Variants in LRP1B observed in about 807,000 individuals in gnomAD.
The protein encoded by LRP1B is LDL receptor related protein 1B.
LRP1B carries 217 observed loss-of-function variants against 556.6 expected under a neutral mutation model. That is an observed-to-expected ratio of 0.39 (90% CI 0.35 to 0.44). The LOEUF (loss-of-function observed/expected upper bound fraction) is 0.44. LRP1B is among the 20% of genes least tolerant of loss of function. LRP1B has a pLI of 1.00. For missense variants in LRP1B, 5,053 were observed against 5,620.8 expected (o/e 0.90, Z 3.23); for synonymous variants, 2,047 against 1,865.8 (o/e 1.10, Z -2.50).
intron 15 of LRP1B, among the ~76,000 whole-genome samples, chr2:140,999,851 A>G (rs1697362087): frequency 6.6e-6 from 1 of 152,084 alleles, no homozygotes; most frequent in African/African-American, 2.4e-5. Flanking sequence ...GTCACTGCTG[A>G]GGAAAACCAA....
Position 140,612,022 on chromosome 2 carries a change from C to T in LRP1B, c.6800-10383G>A, listed in dbSNP as rs540029458. 7.7e-4 allele frequency among the ~76,000 whole-genome samples: 117 copies of T among 151,972 alleles called. 1 individual carries two copies. Among genetic ancestry groups the T allele is most frequent in the African/African-American group, 2.7e-3 (112 of 41,474 alleles). ...AAACACACTTAGTTGATGTTTAAGA[C>T]AAAATAAAAACTTAAATTCCCTGAA... On this transcript the variant is annotated intron_variant, in intron 41 of 90. Transcript: ENST00000389484.
chr2:140,892,734 T>C (rs1693834548), intron 23 of LRP1B, among the ~76,000 whole-genome samples: 2 of 152,124 alleles, frequency 1.3e-5, no homozygotes, highest in African/African-American at 2.4e-5. Flanking sequence ...AATTATCATT[T>C]GTACAGAAAG....
At chr2:141,287,779 T>A (rs1381865494) in intron 3 of LRP1B, among the ~76,000 whole-genome samples, 1 of 152,196 alleles carries the variant, frequency 6.6e-6, no homozygotes, top group Admixed American at 6.5e-5. Context: ...GTATATAATT[T>A]ATATGTGTGA....
At chr2:140,424,989 T>C (rs1287128593) in intron 66 of LRP1B, among the ~76,000 whole-genome samples, 1 of 152,180 alleles carries the variant, frequency 6.6e-6, no homozygotes, top group African/African-American at 2.4e-5. Flanking sequence ...TTTATTTTTA[T>C]CTCTATGGTC....
chr2:141,782,199 A>C (rs924165483), intron 2 of LRP1B, among the ~76,000 whole-genome samples: 9 of 152,100 alleles, frequency 5.9e-5, no homozygotes, highest in African/African-American at 2.2e-4. Flanking sequence ...GACATGATTG[A>C]AAGATGCTTT....
intron 6 of LRP1B, among the ~76,000 whole-genome samples, chr2:141,192,061 T>C (rs903649410): frequency 1.3e-5 from 2 of 151,962 alleles, no homozygotes; most frequent in Non-Finnish European, 2.9e-5. Context: ...CATTGAGATC[T>C]CACTACAGAA....
intron 2 of LRP1B, among the ~76,000 whole-genome samples, chr2:141,686,483 T>C (rs1216405559): frequency 6.6e-6 from 1 of 151,974 alleles, no homozygotes; most frequent in Non-Finnish European, 1.5e-5. Flanking sequence ...ATAATTGTTT[T>C]ATAGGAAATT....
At chr2:140,813,121 C>CT (rs1573752322) in intron 32 of LRP1B, among the ~76,000 whole-genome samples, 1 of 152,148 alleles carries the variant, frequency 6.6e-6, no homozygotes, top group African/African-American at 2.4e-5. Context: ...TACCTAGCAC[C>CT]TTTTTTTCCC....
chr2:141,694,242 C>T (rs191443481), intron 2 of LRP1B, among the ~76,000 whole-genome samples: 3 of 151,968 alleles, frequency 2.0e-5, no homozygotes, highest in Non-Finnish European at 4.4e-5. Flanking sequence ...GCATCATGTG[C>T]CTTTCAGAAT....
At chr2:141,609,565 T>G (rs934295934) in intron 2 of LRP1B, among the ~76,000 whole-genome samples, 1 of 152,234 alleles carries the variant, frequency 6.6e-6, no homozygotes. Context: ...CTTAATTGTA[T>G]GCTTATATTA....
intron 35 of LRP1B, among the ~76,000 whole-genome samples, chr2:140,736,172 A>T (rs1222524687): frequency 5.3e-5 from 8 of 152,080 alleles, no homozygotes; most frequent in Admixed American, 2.6e-4. Flanking sequence ...GCAGAAATAG[A>T]TATATTATGT....
chr2:141,071,336 G>T (rs539335512), intron 7 of LRP1B, among the ~76,000 whole-genome samples: 1 of 151,290 alleles, frequency 6.6e-6, no homozygotes. Context: ...CAATAAATTA[G>T]GTATTGATGG....
chr2:140,567,146 C>T (rs572779701), intron 43 of LRP1B, among the ~76,000 whole-genome samples: 2 of 152,226 alleles, frequency 1.3e-5, no homozygotes, highest in East Asian at 1.9e-4. Flanking sequence ...CCCTAAAGCT[C>T]GACTAGACTC....
At chr2:141,279,711 C>A (rs564903373) in intron 3 of LRP1B, among the ~76,000 whole-genome samples, 1 of 152,166 alleles carries the variant, frequency 6.6e-6, no homozygotes, top group African/African-American at 2.4e-5. Context: ...GTGATTCATT[C>A]GTTTGCCTCT....
In LRP1B at chr2:140,837,222, T is replaced by G. The variant is rs1262269115; in HGVS notation, c.5209+2769A>C. ...AAAAGAAGAGATTTTGTCTTGATTA[T>G]ATGAGTAAGGAAACCAAGGACACCA... On this transcript the variant is annotated intron_variant, in intron 31 of 90. Transcript: ENST00000389484. Among the ~76,000 whole-genome samples the G allele has an allele frequency of 2.0e-5, 3 of 152,194 alleles. No individual in the cohort carries two copies. The East Asian group carries it at 5.8e-4, about 29-fold the overall frequency.
intron 2 of LRP1B, among the ~76,000 whole-genome samples, chr2:141,547,209 G>A (rs574572259): frequency 3.3e-5 from 5 of 152,164 alleles, no homozygotes; most frequent in Non-Finnish European, 5.9e-5. Flanking sequence ...CCAAGATATC[G>A]CAGAGACATA....
chr2:140,881,165 T>C (rs996680927), intron 25 of LRP1B, among the ~76,000 whole-genome samples: 1 of 152,066 alleles, frequency 6.6e-6, no homozygotes, highest in Non-Finnish European at 1.5e-5. Context: ...TATGTTTATA[T>C]TGTACATAGC....
At chr2:141,272,401 A>G (rs1685123657) in intron 3 of LRP1B, among the ~76,000 whole-genome samples, 2 of 152,300 alleles carry the variant, frequency 1.3e-5, no homozygotes. Context: ...TAAAAAAGAA[A>G]TAGAAATCCA....
At chr2:141,276,750 C>G (rs200229287) in intron 3 of LRP1B, among the ~76,000 whole-genome samples, 1 of 150,830 alleles carries the variant, frequency 6.6e-6, no homozygotes, top group Non-Finnish European at 1.5e-5. Context: ...TCCGCCTCCC[C>G]GGTTCACGCC....
Sources: allele counts gnomAD v4.1 joint callset (sites outside exome capture counted in the v4.1 genomes callset), GRCh38; gene constraint gnomAD v4.1.1; transcripts MANE v1.5; gene names NCBI Gene and HGNC (gene_info 2026-07-23, HGNC 2026-07-21).